Variants in TNPO2 observed in about 807,000 individuals in gnomAD.
The protein encoded by TNPO2 is transportin 2, also known as transportin-2.
In TNPO2, 16 loss-of-function variants were observed where a neutral mutation model predicts 111.1. That is an observed-to-expected ratio of 0.14 (90% CI 0.10 to 0.22). The LOEUF is 0.22. TNPO2 is among the 10% of genes least tolerant of loss of function. The pLI, the probability that TNPO2 is intolerant of heterozygous loss-of-function variation, is 1.00. For synonymous variants in TNPO2, 481 were observed against 475.8 expected (o/e 1.01, Z -0.14); for missense variants, 530 against 1,173.7 (o/e 0.45, Z 8.01).
chr19:12,705,779 A>G lies in TNPO2; in HGVS notation c.1669-11T>C, dbSNP rs774702793. The G allele has an allele frequency of 5.7e-5, 83 of 1,453,348 alleles. No individual in the cohort carries two copies. Among genetic ancestry groups the G allele is most frequent in the South Asian group, 4.8e-4 (33 of 68,162 alleles). The allele number at this position is 1,453,348 out of a possible 1,614,324, so 90.0% of individuals were successfully genotyped here. On this transcript the variant is annotated splice_polypyrimidine_tract_variant and intron_variant, in intron 15 of 25. Transcript: ENST00000425528. This position sits in a 1 kb window ranked among gnomAD's most constrained non-coding sequence, Gnocchi z 7.2. ...CTTCTGGATGTATTCCTGGAGAGGG[A>G]GCACGAAATGGGCGCTCCCTGGGTC... is the stretch of plus-strand genomic sequence containing the variant.
Position 12,710,649 on chromosome 19 carries a change from G to C in TNPO2, c.1242C>G (p.Gly414=). The C allele has an allele frequency of 6.2e-7, 1 of 1,613,552 alleles. No individual in the cohort carries two copies. The highest frequency in any genetic ancestry group is 8.5e-7 in the Non-Finnish European group (1 of 1,179,764). The change falls in exon 13 of 26, where the codon GGC becomes GGG. Residue 414 remains glycine (G), a synonymous_variant. Transcript: ENST00000425528. The part of the protein sequence containing the change: ...FHPEWVVKES[G]ILVLGAIAEG... ...CAGCAATGGCGCCCAGCACCAGGAT[G>C]CCCGACTCCTTGACCACCCACTCGG... is the stretch of plus-strand genomic sequence containing the variant.
At position 12,702,374 on chromosome 19, in the gene TNPO2, C is replaced by CCCTTT. The variant is rs534839494; in HGVS notation, c.2306-202_2306-198dup. On this transcript the variant is annotated intron_variant, in intron 21 of 25. Transcript: ENST00000425528. This position sits in a 1 kb window ranked among gnomAD's most constrained non-coding sequence, Gnocchi z 5.5. ...GCATCTATCTTTCTTTCTTTCCTTTCCCTTTCCTTTTTGTTTTTTTTTGTT... is the reference window on the plus strand; with the variant it reads ...GCATCTATCTTTCTTTCTTTCCTTTCCCTTTCCTTTCCTTTTTGTTTTTTTTTGTT... 1 of 693,528 alleles carries CCCTTT rather than the reference C, an allele frequency of 1.4e-6. No individual in the cohort carries two copies. Among genetic ancestry groups the CCCTTT allele is most frequent in the African/African-American group, 1.8e-5 (1 of 56,720 alleles). The allele number at this position is 693,528 out of a possible 1,614,324, so 43.0% of individuals were successfully genotyped here. A position where few individuals can be genotyped will look rare whatever the true frequency, so the allele number is the denominator to read the frequency against.
Position 12,701,460 on chromosome 19 carries a change from G to A in TNPO2, c.2587-7C>T, listed in dbSNP as rs375239348. 3.1e-6 allele frequency: 5 copies of A among 1,613,014 alleles called. No individual in the cohort carries two copies. In the African/African-American group the frequency reaches 6.7e-5, roughly 22 times the overall value. Reference sequence around the variant, plus strand: ...CTTTGAAGCCGTGGAGAATCTGTGGGGAGGGTGGTGGTGAGGGGTAGGCAG... The same window carrying A: ...CTTTGAAGCCGTGGAGAATCTGTGGAGAGGGTGGTGGTGAGGGGTAGGCAG... On this transcript the variant is annotated splice_polypyrimidine_tract_variant and splice_region_variant and intron_variant, in intron 24 of 25. Coordinates refer to ENST00000425528, the MANE Select transcript of TNPO2 (RefSeq NM_001382241.1). The surrounding 1 kb of genome is among the most constrained non-coding windows in gnomAD (Gnocchi z 5.0).
chr19:12,702,556 T>A lies in TNPO2; in HGVS notation c.2305+267A>T, dbSNP rs1253396249. ...TAATTTTTGTATTTTTTAGTAGAGA[T>A]GGGGTTTCACCATGTTGGCCAGGCT... On this transcript the variant is annotated intron_variant, in intron 21 of 25. Coordinates refer to ENST00000425528, the MANE Select transcript of TNPO2 (RefSeq NM_001382241.1). The surrounding 1 kb of genome is among the most constrained non-coding windows in gnomAD (Gnocchi z 5.5). 28 of 519,974 alleles carry A rather than the reference T, an allele frequency of 5.4e-5. No homozygotes were observed. The highest frequency in any genetic ancestry group is 1.1e-4 in the East Asian group (3 of 27,924). 32.2% of individuals were successfully genotyped at this position (519,974 alleles called of 1,614,324 possible).
At chr19:12,718,112 C>A in intron 5 of TNPO2, among the ~76,000 whole-genome samples, 1 of 152,094 alleles carries the variant, frequency 6.6e-6, no homozygotes, top group Non-Finnish European at 1.5e-5. Flanking sequence ...TCAAGCAATT[C>A]TCCTGCCTCA....
In TNPO2 at chr19:12,699,313, G is replaced by T; in HGVS notation, c.*1951C>A. 1 of 430,756 alleles carries T rather than the reference G, an allele frequency of 2.3e-6. No individual in the cohort carries two copies. The highest frequency in any genetic ancestry group is 4.7e-6 in the Non-Finnish European group (1 of 214,196). The allele number at this position is 430,756 out of a possible 1,614,324, so 26.7% of individuals were successfully genotyped here. On this transcript the variant is annotated 3_prime_UTR_variant, in exon 26 of 26. Transcript: ENST00000425528. ...AACAAATGGACAGACCCGGGAGCCC[G>T]CAGGGGGAAGAGGGTGAGGAGGGAA...
chr19:12,723,488 T>A (rs915022233), intron 1 of TNPO2, 123 bp from the exon 2 acceptor site: 1 of 152,112 alleles, frequency 6.6e-6, no homozygotes. Context: ...TCCCCACTTG[T>A]CAAATGGGTA....
intron 13 of TNPO2, among the ~76,000 whole-genome samples, chr19:12,707,758 T>C (rs1213060072): frequency 6.6e-6 from 1 of 152,006 alleles, no homozygotes; most frequent in Non-Finnish European, 1.5e-5. Context: ...AGTGCTGCGA[T>C]TATAGGTGTC....
At position 12,702,212 on chromosome 19, in the gene TNPO2, C is replaced by T. The variant is rs549891121; in HGVS notation, c.2306-35G>A. The T allele has an allele frequency of 4.4e-6, 7 of 1,578,050 alleles. No homozygotes were observed. The highest frequency in any genetic ancestry group is 4.5e-5 in the East Asian group (2 of 44,088). On this transcript the variant is annotated intron_variant, in intron 21 of 25. Coordinates refer to ENST00000425528, the MANE Select transcript of TNPO2 (RefSeq NM_001382241.1). The surrounding 1 kb of genome is among the most constrained non-coding windows in gnomAD (Gnocchi z 5.5). ...CGAGCGGCCCCGGGACGGTACGTGG[C>T]GGGGCCTCTGGCACAAGGCACCAAG...
In TNPO2 at chr19:12,702,933, A is replaced by C. The variant is rs763160546; in HGVS notation, c.2210-15T>G. The C allele has an allele frequency of 6.2e-7, 1 of 1,612,920 alleles. No individual in the cohort carries two copies. The highest frequency in any genetic ancestry group is 1.1e-5 in the South Asian group (1 of 91,056). On this transcript the variant is annotated splice_polypyrimidine_tract_variant and intron_variant, in intron 20 of 25. Coordinates refer to ENST00000425528, the MANE Select transcript of TNPO2 (RefSeq NM_001382241.1). This position sits in a 1 kb window ranked among gnomAD's most constrained non-coding sequence, Gnocchi z 5.5. The stretch of plus-strand genomic sequence containing the variant: ...CATCTCTGCCCCTGGGGGAGCACCC[A>C]GTCAGAGCCCTGCACAGCCCCCGCC...
In TNPO2 at chr19:12,720,915, CTG is replaced by C; in HGVS notation, c.61_62del (p.Gln21ValfsTer13). ...QQVLQLLKDS[Q>X]SPNTATQRIV... is the part of the protein sequence containing the mutation. The stretch of plus-strand genomic sequence containing the variant: ...TGCGCTGAGTGGCTGTGTTGGGCGA[CTG>C]TGAGTCTTTGAGCAGCTGCAGGACC... On this transcript the variant is annotated frameshift_variant, in exon 3 of 26. Coordinates refer to ENST00000425528, the MANE Select transcript of TNPO2 (RefSeq NM_001382241.1). LOFTEE classifies it high-confidence loss of function. 1 of 1,605,366 alleles carries C rather than the reference CTG, an allele frequency of 6.2e-7. No homozygotes were observed. Among genetic ancestry groups the C allele is most frequent in the Non-Finnish European group, 8.5e-7 (1 of 1,176,834 alleles).
At position 12,702,110 on chromosome 19, in the gene TNPO2, C is replaced by A. The variant is rs767909855; in HGVS notation, c.2373G>T (p.Gln791His). 1.9e-6 allele frequency: 3 copies of A among 1,613,570 alleles called. No individual in the cohort carries two copies. The highest frequency in any genetic ancestry group is 2.5e-6 in the Non-Finnish European group (3 of 1,179,820). Residue 791 changes from glutamine to histidine, a missense_variant, in exon 22 of 26, where the codon CAG (glutamine) becomes CAT (histidine). By Grantham distance (24) the Gln-to-His change is conservative. Around this residue, in one of 4 missense-constraint regions of TNPO2, gnomAD observed 103 missense variants for 156.7 expected, o/e 0.66. Transcript: ENST00000425528. This position sits in a 1 kb window ranked among gnomAD's most constrained non-coding sequence, Gnocchi z 5.5. ...TIGRLGYVCP[Q>H]EVAPMLQQFI... ...ACTGCTGCAGCATGGGTGCCACCTC[C>A]TGGGGGCACACGTAGCCCAAGCGGC...
At chr19:12,718,341 A>G (rs1279708127) in intron 5 of TNPO2, among the ~76,000 whole-genome samples, 1 of 151,922 alleles carries the variant, frequency 6.6e-6, no homozygotes, top group Non-Finnish European at 1.5e-5. Context: ...AATTTTTTCT[A>G]TTTTTAGTAG....
intron 2 of TNPO2, chr19:12,722,573 A>G (rs1329166923): frequency 6.7e-6 from 1 of 150,158 alleles, no homozygotes; most frequent in Non-Finnish European, 1.5e-5. Flanking sequence ...AAAAAAAAAA[A>G]AAAAAAAAAA....
At position 12,705,783 on chromosome 19, in the gene TNPO2, C is replaced by T. The variant is rs368661019; in HGVS notation, c.1669-15G>A. The T allele has an allele frequency of 1.6e-5, 23 of 1,448,592 alleles. No homozygotes were observed. The highest frequency in any genetic ancestry group is 5.0e-5 in the East Asian group (2 of 40,130). The allele number at this position is 1,448,592 out of a possible 1,614,324, so 89.7% of individuals were successfully genotyped here. A position where few individuals can be genotyped will look rare whatever the true frequency, so the allele number is the denominator to read the frequency against. On this transcript the variant is annotated splice_polypyrimidine_tract_variant and intron_variant, in intron 15 of 25. Coordinates refer to ENST00000425528, the MANE Select transcript of TNPO2 (RefSeq NM_001382241.1). This position sits in a 1 kb window ranked among gnomAD's most constrained non-coding sequence, Gnocchi z 7.2. ...TGGATGTATTCCTGGAGAGGGAGCA[C>T]GAAATGGGCGCTCCCTGGGTCGGGG...
chr19:12,709,319 G>A (rs2025899527), intron 13 of TNPO2, among the ~76,000 whole-genome samples: 1 of 151,594 alleles, frequency 6.6e-6, no homozygotes, highest in Non-Finnish European at 1.5e-5. Context: ...CCAAGATCAT[G>A]CCACTGCACC....
chr19:12,717,270 T>C (rs892952218), intron 5 of TNPO2, among the ~76,000 whole-genome samples: 37 of 110,906 alleles, frequency 3.3e-4, no homozygotes, highest in East Asian at 1.4e-3. Flanking sequence ...TTTTCTCTCT[T>C]TTTTTTTTTT....
At chr19:12,703,205 A>G (rs1392631075) in intron 20 of TNPO2, among the ~76,000 whole-genome samples, 4 of 152,104 alleles carry the variant, frequency 2.6e-5, no homozygotes, top group South Asian at 2.1e-4. Flanking sequence ...AACCAATCCG[A>G]ATGAGTCTTT....
chr19:12,701,360 A>T lies in TNPO2; in HGVS notation c.2680T>A (p.Phe894Ile). 6.2e-7 allele frequency: 1 copy of T among 1,613,728 alleles called. No individual in the cohort carries two copies. Among genetic ancestry groups the T allele is most frequent in the Non-Finnish European group, 8.5e-7 (1 of 1,179,772 alleles). The change falls in exon 25 of 26, where the codon TTC becomes ATC. Residue 894 changes from phenylalanine to isoleucine, a missense_variant. By Grantham distance (21) the Phe-to-Ile change is conservative. Around this residue, in one of 4 missense-constraint regions of TNPO2, gnomAD observed 103 missense variants for 156.7 expected, o/e 0.66. Transcript: ENST00000425528. This position sits in a 1 kb window ranked among gnomAD's most constrained non-coding sequence, Gnocchi z 5.0. The stretch of plus-strand genomic sequence containing the variant: ...TCCATGATCACCTAGACCCCATAGA[A>T]AGCCGCCAGCCTCTCCTTGAGCAGC... ...PPLLKERLAA[F>I]YGV
Sources: gnomAD v4.1 joint callset for allele counts (sites outside exome capture counted in the v4.1 genomes callset) on GRCh38, gnomAD v4.1.1 for gene constraint, gnomAD v4.1.1 regional missense constraint, Gnocchi (gnomAD v3.1) non-coding constraint, MANE v1.5 for transcripts, NCBI Gene and HGNC (gene_info 2026-07-23, HGNC 2026-07-21) for gene names.